IQCJ: variants seen among roughly 807,000 people sequenced by gnomAD.
IQCJ encodes the protein IQ motif containing J, also known as IQ domain-containing protein J.
A neutral mutation model predicts 11.0 loss-of-function variants in IQCJ; 9 were observed. The observed-to-expected ratio is 0.82, with a 90% CI of 0.49 to 1.43. The LOEUF (loss-of-function observed/expected upper bound fraction) is 1.43. Ranked by LOEUF, IQCJ falls within the 40% of genes most tolerant of loss-of-function variation. The pLI is 0.00. For missense variants in IQCJ, 146 were observed against 133.2 expected, an observed-to-expected ratio of 1.10 and a Z score of -0.47; for synonymous variants, 55 against 51.3, an observed-to-expected ratio of 1.07 and a Z score of -0.31.
intron 1 of IQCJ, among the ~76,000 whole-genome samples, chr3:159,072,356 A>T (rs1293720895): frequency 6.6e-6 from 1 of 152,042 alleles, no homozygotes; most frequent in Non-Finnish European, 1.5e-5. Flanking sequence ...ATTGATAAAA[A>T]GGAGAGTAAT....
At chr3:159,199,153 G>T (rs1373729843) in intron 1 of IQCJ, among the ~76,000 whole-genome samples, 28 of 152,186 alleles carry the variant, frequency 1.8e-4, no homozygotes, top group Non-Finnish European at 1.5e-5. Flanking sequence ...TTCCCAGGAA[G>T]TGAATATGTT....
intron 1 of IQCJ, among the ~76,000 whole-genome samples, chr3:159,094,422 CTTTTTTTTTTTTTTTT>C (rs71302258): frequency 1.4e-5 from 1 of 71,714 alleles, no homozygotes; most frequent in Non-Finnish European, 2.5e-5. Flanking sequence ...ACAGGATCTG[CTTTTTTTTTTTTTTTT>C]TTTTTTTTTT....
At position 159,080,805 on chromosome 3, in the gene IQCJ, G is replaced by A. The variant is rs148499307; in HGVS notation, c.9+11364G>A. ...GATTTGAACCTGGGCTCCCTGCTTC[G>A]GGAGTCTGTGTTCTTTATACTGTTC... On this transcript the variant is annotated intron_variant, in intron 1 of 3. Transcript: ENST00000397832. Among the ~76,000 whole-genome samples the A allele has an allele frequency of 6.6e-5, 10 of 152,168 alleles. 1 individual carries two copies. In the South Asian group the frequency reaches 1.2e-3, roughly 19 times the overall value.
chr3:159,181,464 T>G (rs996152497), intron 1 of IQCJ, among the ~76,000 whole-genome samples: 3 of 149,044 alleles, frequency 2.0e-5, no homozygotes, highest in African/African-American at 7.5e-5. Flanking sequence ...TGAATCTACC[T>G]CTTTATCCCT....
At chr3:159,071,712 T>C (rs989875264) in intron 1 of IQCJ, among the ~76,000 whole-genome samples, 2 of 152,072 alleles carry the variant, frequency 1.3e-5, no homozygotes, top group Middle Eastern at 3.2e-3. Flanking sequence ...ATATCATATG[T>C]ACTAAAAAGT....
chr3:159,219,585 G>T (rs1290889578), intron 1 of IQCJ, among the ~76,000 whole-genome samples: 1 of 152,136 alleles, frequency 6.6e-6, no homozygotes, highest in Non-Finnish European at 1.5e-5. Context: ...CTTCAAAAAG[G>T]TTACTTGAAA....
chr3:159,080,557 C>T (rs112179507), intron 1 of IQCJ, among the ~76,000 whole-genome samples: 3 of 152,218 alleles, frequency 2.0e-5, no homozygotes, highest in Admixed American at 6.5e-5. Flanking sequence ...TAATAAACCG[C>T]GTTAGTGTTT....
intron 1 of IQCJ, among the ~76,000 whole-genome samples, chr3:159,230,079 G>A (rs1352038112): frequency 1.3e-5 from 2 of 150,846 alleles, no homozygotes; most frequent in Admixed American, 6.6e-5. Flanking sequence ...AGTGTTTATT[G>A]TACCTATTTA....
intron 1 of IQCJ, among the ~76,000 whole-genome samples, chr3:159,228,792 G>C (rs915927354): frequency 9.0e-6 from 1 of 111,000 alleles, no homozygotes; most frequent in African/African-American, 4.0e-5. Context: ...GACAGAGCGA[G>C]ACTCCGTCTC....
At chr3:159,248,820 AT>A (rs1727423953) in intron 2 of IQCJ, among the ~76,000 whole-genome samples, 1 of 151,786 alleles carries the variant, frequency 6.6e-6, no homozygotes, top group African/African-American at 2.4e-5. Context: ...TGTTTGGCCC[AT>A]TTATTTATTA....
chr3:159,200,299 G>A lies in IQCJ; in HGVS notation c.10-45544G>A, dbSNP rs1472010130. 5.9e-5 allele frequency among the ~76,000 whole-genome samples: 9 copies of A among 151,832 alleles called. 1 individual carries two copies. The South Asian group carries it at 1.7e-3, about 28-fold the overall frequency. On this transcript the variant is annotated intron_variant, in intron 1 of 3. Coordinates refer to ENST00000397832, the MANE Select transcript of IQCJ (RefSeq NM_001042706.3). ...AGAGGCCTGTTTCCCTGTTGACAAA[G>A]TGACCTTCTGAAGTAGCTGGTGGAG...
At chr3:159,190,270 A>C (rs1348976746) in intron 1 of IQCJ, among the ~76,000 whole-genome samples, 1 of 152,202 alleles carries the variant, frequency 6.6e-6, no homozygotes, top group East Asian at 1.9e-4. Flanking sequence ...CTCAGCATAT[A>C]ATCAAGAAAA....
intron 1 of IQCJ, among the ~76,000 whole-genome samples, chr3:159,109,458 A>C (rs1320525472): frequency 6.6e-6 from 1 of 151,958 alleles, no homozygotes; most frequent in Non-Finnish European, 1.5e-5. Flanking sequence ...ATTTAAAAAA[A>C]CAGCAAACAA....
chr3:159,141,918 G>A (rs2108182354), intron 1 of IQCJ, among the ~76,000 whole-genome samples: 1 of 152,222 alleles, frequency 6.6e-6, no homozygotes, highest in South Asian at 2.1e-4. Context: ...AATGATTACT[G>A]TACTTGCAAC....
At chr3:159,090,232 G>A (rs1244774083) in intron 1 of IQCJ, among the ~76,000 whole-genome samples, 2 of 151,354 alleles carry the variant, frequency 1.3e-5, no homozygotes, top group South Asian at 2.1e-4. Context: ...TAGGCTGCTC[G>A]GGGGGTCAGG....
At chr3:159,085,439 G>T (rs1011639395) in intron 1 of IQCJ, among the ~76,000 whole-genome samples, 11 of 151,962 alleles carry the variant, frequency 7.2e-5, no homozygotes, top group African/African-American at 2.4e-4. Flanking sequence ...ACCCAGTAAT[G>T]GGATGGCTGG....
chr3:159,188,147 A>G (rs1723480645), intron 1 of IQCJ, among the ~76,000 whole-genome samples: 4 of 152,224 alleles, frequency 2.6e-5, no homozygotes, highest in Admixed American at 2.6e-4. Context: ...GCTGTGGCTC[A>G]TGCCTGTAAT....
intron 1 of IQCJ, among the ~76,000 whole-genome samples, chr3:159,142,838 A>G: frequency 6.6e-6 from 1 of 152,298 alleles, no homozygotes; most frequent in South Asian, 2.1e-4. Context: ...AGTCTTAATA[A>G]TTTGATTATT....
In IQCJ at chr3:159,090,158, G is replaced by T. The variant is rs1021764934; in HGVS notation, c.9+20717G>T. 6.6e-5 allele frequency among the ~76,000 whole-genome samples: 10 copies of T among 151,720 alleles called. 1 individual carries two copies. Among genetic ancestry groups the T allele is most frequent in the African/African-American group, 2.4e-4 (10 of 41,034 alleles). On this transcript the variant is annotated intron_variant, in intron 1 of 3. Transcript: ENST00000397832. ...CTAACAGACAGGACCCTCAGCTGCA[G>T]GTCTGTTGGAGTACTGGGCCCTGTG... is the stretch of plus-strand genomic sequence containing the variant.
Sources: gnomAD v4.1 joint callset for allele counts (sites outside exome capture counted in the v4.1 genomes callset) on GRCh38, gnomAD v4.1.1 for gene constraint, MANE v1.5 for transcripts, NCBI Gene and HGNC (gene_info 2026-07-23, HGNC 2026-07-21) for gene names.